LRRC4C: variants seen among roughly 807,000 people sequenced by gnomAD.
The protein encoded by LRRC4C is leucine-rich repeat-containing protein 4C.
LRRC4C carries 5 observed loss-of-function variants against 33.6 expected under a neutral mutation model. The ratio of observed to expected loss-of-function variants is 0.15; its 90% confidence interval spans 0.08 to 0.31. The LOEUF (loss-of-function observed/expected upper bound fraction) is 0.31. LRRC4C is among the 10% of genes least tolerant of loss of function. The pLI, the probability that LRRC4C is intolerant of heterozygous loss-of-function variation, is 1.00. For missense variants in LRRC4C, 560 were observed against 796.7 expected (o/e 0.70, Z 3.58); for synonymous variants, 329 against 302.0 (o/e 1.09, Z -0.93).
At chr11:40,674,818 T>C (rs1944314602) in intron 2 of LRRC4C, among the ~76,000 whole-genome samples, 1 of 152,178 alleles carries the variant, frequency 6.6e-6, no homozygotes, top group Admixed American at 6.5e-5. Flanking sequence ...CATCACCCTT[T>C]TAATTTCTAT....
intron 1 of LRRC4C, among the ~76,000 whole-genome samples, chr11:41,008,025 A>G (rs1298340785): frequency 6.6e-6 from 1 of 151,866 alleles, no homozygotes; most frequent in Non-Finnish European, 1.5e-5. Context: ...TTTCTTTCGT[A>G]TTCCAATATT....
At chr11:40,496,512 T>C (rs971202129) in intron 3 of LRRC4C, among the ~76,000 whole-genome samples, 1 of 151,730 alleles carries the variant, frequency 6.6e-6, no homozygotes, top group African/African-American at 2.4e-5. Flanking sequence ...TCTTGGTTTT[T>C]ATTTTATTAT....
intron 2 of LRRC4C, among the ~76,000 whole-genome samples, chr11:40,720,079 C>T (rs34659104): frequency 0.036 from 5,547 of 152,262 alleles, 99 homozygotes; most frequent in Middle Eastern, 0.054. Context: ...ATCTATGATG[C>T]TTAGGTTGGG....
intron 1 of LRRC4C, among the ~76,000 whole-genome samples, chr11:41,167,989 CCAGA>C (rs1228711017): frequency 6.6e-6 from 1 of 152,040 alleles, no homozygotes; most frequent in East Asian, 1.9e-4. Context: ...GGACAGTGGC[CCAGA>C]CAGACATAGA....
chr11:41,064,799 T>G (rs888393218), intron 1 of LRRC4C, among the ~76,000 whole-genome samples: 1 of 152,280 alleles, frequency 6.6e-6, no homozygotes, highest in Admixed American at 6.5e-5. Flanking sequence ...GGGCATTGCT[T>G]CACGTGGGAA....
chr11:41,298,459 C>A lies in LRRC4C; in HGVS notation c.-496+160972G>T, dbSNP rs148375544. ...GGATACTCACCACCTGTAAGCTAAA[C>A]GCAGTCATTATTGAATTGTTAAGAA... On this transcript the variant is annotated intron_variant, in intron 1 of 6. Coordinates refer to ENST00000528697, the MANE Select transcript of LRRC4C (RefSeq NM_001258419.2). Among the ~76,000 whole-genome samples the A allele has an allele frequency of 6.6e-5, 10 of 151,640 alleles. No homozygotes were observed. In the East Asian group the frequency reaches 1.9e-3, roughly 29 times the overall value.
intron 1 of LRRC4C, among the ~76,000 whole-genome samples, chr11:41,013,940 A>C (rs1266248323): frequency 6.6e-6 from 1 of 152,120 alleles, no homozygotes; most frequent in Non-Finnish European, 1.5e-5. Flanking sequence ...GAGAGAACTC[A>C]TTCACTATTG....
intron 2 of LRRC4C, among the ~76,000 whole-genome samples, chr11:40,662,749 A>G (rs969955926): frequency 1.3e-5 from 2 of 152,042 alleles, no homozygotes; most frequent in Non-Finnish European, 1.5e-5. Flanking sequence ...TAATTAAGTA[A>G]CTCTGTGCAA....
chr11:40,658,169 T>C (rs1409246911), intron 2 of LRRC4C, among the ~76,000 whole-genome samples: 1 of 152,174 alleles, frequency 6.6e-6, no homozygotes, highest in Non-Finnish European at 1.5e-5. Context: ...CTTTATATTA[T>C]AGGAAGGGTA....
intron 1 of LRRC4C, among the ~76,000 whole-genome samples, chr11:41,189,325 G>T (rs1458443550): frequency 6.6e-6 from 1 of 152,116 alleles, no homozygotes; most frequent in African/African-American, 2.4e-5. Flanking sequence ...AAAAAGACAA[G>T]ACGTTTCCTG....
chr11:40,876,901 C>CA (rs71060985), intron 2 of LRRC4C, among the ~76,000 whole-genome samples: 3,876 of 98,700 alleles, frequency 0.039, 64 homozygotes, highest in African/African-American at 0.065. Flanking sequence ...GGCTCTTTCT[C>CA]AAAAAAAAAA....
intron 1 of LRRC4C, among the ~76,000 whole-genome samples, chr11:41,372,109 C>G (rs557672482): frequency 1.7e-4 from 26 of 152,290 alleles, no homozygotes; most frequent in African/African-American, 6.3e-4. Context: ...TGCACTCCAG[C>G]CTGGGCACCT....
At chr11:40,904,165 A>G (rs760725502) in intron 2 of LRRC4C, among the ~76,000 whole-genome samples, 14 of 152,114 alleles carry the variant, frequency 9.2e-5, no homozygotes, top group Non-Finnish European at 1.6e-4. Context: ...CAGGTATTTT[A>G]TTGGGCTGGC....
intron 3 of LRRC4C, among the ~76,000 whole-genome samples, chr11:40,419,009 T>C (rs1950429598): frequency 6.6e-6 from 1 of 152,016 alleles, no homozygotes; most frequent in Non-Finnish European, 1.5e-5. Flanking sequence ...TCAGGATAAA[T>C]AGCTAATGTA....
At chr11:41,240,395 T>C (rs1005781884) in intron 1 of LRRC4C, among the ~76,000 whole-genome samples, 5 of 152,122 alleles carry the variant, frequency 3.3e-5, no homozygotes, top group African/African-American at 1.2e-4. Flanking sequence ...AAAAGATCAA[T>C]TGAATTAAAA....
chr11:40,301,579 G>A lies in LRRC4C; in HGVS notation c.-176+18049C>T, dbSNP rs188835162. 1.4e-3 allele frequency among the ~76,000 whole-genome samples: 214 copies of A among 152,224 alleles called. 2 individuals are homozygous for A. Among genetic ancestry groups the A allele is most frequent in the African/African-American group, 4.8e-3 (199 of 41,522 alleles). ...CATCAGCCATGCAGTGCAGATTCAAGAAATGATAGCCTTGTTTTCCCCACC... is the reference window on the plus strand; with the variant it reads ...CATCAGCCATGCAGTGCAGATTCAAAAAATGATAGCCTTGTTTTCCCCACC... On this transcript the variant is annotated intron_variant, in intron 4 of 6. Transcript: ENST00000528697.
intron 1 of LRRC4C, among the ~76,000 whole-genome samples, chr11:41,115,142 T>C (rs1404576084): frequency 2.0e-5 from 3 of 152,120 alleles, no homozygotes; most frequent in African/African-American, 7.2e-5. Flanking sequence ...TCTCTAAAGC[T>C]AAGTAACTTT....
intron 1 of LRRC4C, among the ~76,000 whole-genome samples, chr11:41,277,301 A>G (rs1451530370): frequency 6.6e-6 from 1 of 152,192 alleles, no homozygotes; most frequent in Non-Finnish European, 1.5e-5. Flanking sequence ...TTTTCCATGC[A>G]TTATTGATCT....
intron 2 of LRRC4C, among the ~76,000 whole-genome samples, chr11:40,866,167 C>CA (rs1954357645): frequency 3.7e-5 from 1 of 26,896 alleles, no homozygotes; most frequent in East Asian, 1.2e-3. Flanking sequence ...GGTAATTCTA[C>CA]TTAAAAAAAA....
Sources: gnomAD v4.1 joint callset for allele counts (sites outside exome capture counted in the v4.1 genomes callset) on GRCh38, gnomAD v4.1.1 for gene constraint, MANE v1.5 for transcripts, NCBI Gene and HGNC (gene_info 2026-07-23, HGNC 2026-07-21) for gene names.